FAM53A: variants seen among roughly 807,000 people sequenced by gnomAD.
The protein encoded by FAM53A is protein FAM53A.
Under a neutral mutation model 26.6 loss-of-function variants are expected in FAM53A, and 28 were observed. That is an observed-to-expected ratio of 1.05 (90% CI 0.78 to 1.45). The LOEUF is 1.45. Among genes scored for constraint, FAM53A ranks in the 40% most tolerant of loss-of-function variants. The pLI is 0.00. For synonymous variants in FAM53A, 290 were observed against 253.1 expected (o/e 1.15, Z -1.38); for missense variants, 650 against 575.8 (o/e 1.13, Z -1.32).
In FAM53A at chr4:1,625,400, C is replaced by G. The variant is rs112996711; in HGVS notation, c.432-7289G>C. Among the ~76,000 whole-genome samples the G allele has an allele frequency of 9.9e-4, 49 of 49,432 alleles. 8 individuals are homozygous for G. Among genetic ancestry groups the G allele is most frequent in the African/African-American group, 1.1e-3 (7 of 6,584 alleles). The allele number at this position is 49,432 out of a possible 152,430, so 32.4% of individuals were successfully genotyped here. A position where few individuals can be genotyped will look rare whatever the true frequency, so the allele number is the denominator to read the frequency against. ...CAGGGTCACGCCAGGTGATCAGAAG[C>G]CCCCACGTCCCGACCCACGTGGTCA... On this transcript the variant is annotated intron_variant, in intron 1 of 1. Transcript: ENST00000489029.
At chr4:1,618,759 T>C (rs1190821417) in intron 1 of FAM53A, among the ~76,000 whole-genome samples, 1 of 152,104 alleles carries the variant, frequency 6.6e-6, no homozygotes. Flanking sequence ...GAACCAGCCA[T>C]GCGGGCCTGT....
chr4:1,603,853 C>T, the FAM53A span, among the ~76,000 whole-genome samples: 240 of 152,326 alleles, frequency 1.6e-3, no homozygotes, highest in Middle Eastern at 0.014. Context: ...GCGTCCTGGG[C>T]AGTGCCCTAC....
the FAM53A span, among the ~76,000 whole-genome samples, chr4:1,592,667 G>T: frequency 6.6e-6 from 1 of 152,130 alleles, no homozygotes; most frequent in Non-Finnish European, 1.5e-5. Flanking sequence ...GAAGCCTGGG[G>T]ATGGGAGGGC....
chr4:1,650,236 C>T (rs1446389045), intron 4 of FAM53A, among the ~76,000 whole-genome samples: 10 of 131,324 alleles, frequency 7.6e-5, no homozygotes, highest in East Asian at 4.7e-4. Flanking sequence ...GTGGCACAGG[C>T]GTGGCGTTTG....
chr4:1,657,597 A>T (rs1441022989), intron 2 of FAM53A, 129 bp from the exon 3 acceptor site: 2 of 795,284 alleles, frequency 2.5e-6, no homozygotes, highest in South Asian at 1.6e-5. Context: ...TAAAATAAGC[A>T]CAGTTTTATT....
intron 1 of FAM53A, among the ~76,000 whole-genome samples, chr4:1,672,107 CACAG>C (rs1258126421): frequency 1.3e-5 from 2 of 149,692 alleles, no homozygotes; most frequent in African/African-American, 2.4e-5. Context: ...CCCAGGAACC[CACAG>C]ATCCAGGAAC....
At chr4:1,623,628 G>A (rs1313279603) in intron 1 of FAM53A, among the ~76,000 whole-genome samples, 5 of 152,228 alleles carry the variant, frequency 3.3e-5, no homozygotes, top group East Asian at 3.9e-4. Context: ...GTCAGCAGAC[G>A]GCCGCCCGCT....
intron 1 of FAM53A, among the ~76,000 whole-genome samples, chr4:1,680,711 G>A (rs549729756): frequency 1.2e-4 from 18 of 152,200 alleles, no homozygotes; most frequent in African/African-American, 3.9e-4. Context: ...TGAAAGAAAC[G>A]GGTCTGAAAC....
the FAM53A span, among the ~76,000 whole-genome samples, chr4:1,580,656 CCGCCCAGGCCA>C: frequency 6.7e-6 from 1 of 149,990 alleles, no homozygotes. Flanking sequence ...GCCCCGCCTC[CCGCCCAGGCCA>C]CGCCTCCCAC....
At chr4:1,662,479 C>CAAAAAAA (rs59768929) in intron 2 of FAM53A, among the ~76,000 whole-genome samples, 1 of 68,304 alleles carries the variant, frequency 1.5e-5, no homozygotes, top group Non-Finnish European at 2.9e-5. Flanking sequence ...GATTCCATCA[C>CAAAAAAA]AAAAAAAAAA....
At chr4:1,619,269 G>A (rs1236950892) in intron 1 of FAM53A, among the ~76,000 whole-genome samples, 2 of 152,218 alleles carry the variant, frequency 1.3e-5, no homozygotes, top group Non-Finnish European at 2.9e-5. Flanking sequence ...CCTTACCACT[G>A]CCCGGGGCTG....
chr4:1,579,224 C>A, the FAM53A span, among the ~76,000 whole-genome samples: 6 of 150,256 alleles, frequency 4.0e-5, 1 homozygote, highest in Admixed American at 3.3e-4. Flanking sequence ...AGCCGCCATC[C>A]CCGCCCGAGG....
intron 1 of FAM53A, among the ~76,000 whole-genome samples, chr4:1,620,278 A>G (rs1039346541): frequency 7.2e-5 from 11 of 152,210 alleles, no homozygotes; most frequent in Middle Eastern, 3.4e-3. Flanking sequence ...TTCCCATAAC[A>G]GACCTTTCTC....
chr4:1,605,390 G>A, the FAM53A span, among the ~76,000 whole-genome samples: 6 of 152,120 alleles, frequency 3.9e-5, no homozygotes, highest in Admixed American at 2.0e-4. The surrounding 1 kb of genome is among the most constrained non-coding windows in gnomAD (Gnocchi z 5.7). Flanking sequence ...CAGCCGTGCC[G>A]GTGACCCAGC....
chr4:1,663,979 G>C (rs1156356411), intron 2 of FAM53A, among the ~76,000 whole-genome samples: 1 of 152,354 alleles, frequency 6.6e-6, no homozygotes, highest in East Asian at 1.9e-4. Flanking sequence ...GAGCGCACGA[G>C]GCGGCAGCCG....
chr4:1,637,718 C>T (rs752667588), downstream of FAM53A, among the ~76,000 whole-genome samples: 2 of 152,088 alleles, frequency 1.3e-5, no homozygotes, highest in Non-Finnish European at 2.9e-5. Context: ...TGAAGGATCC[C>T]AGCCTTGGGA....
intron 1 of FAM53A, among the ~76,000 whole-genome samples, chr4:1,625,730 C>T (rs1715268328): frequency 7.2e-6 from 1 of 138,468 alleles, no homozygotes; most frequent in Non-Finnish European, 1.6e-5. Context: ...AGGGTCACGC[C>T]AGGTGATCAG....
chr4:1,608,905 C>T, the FAM53A span, among the ~76,000 whole-genome samples: 2 of 152,042 alleles, frequency 1.3e-5, no homozygotes, highest in African/African-American at 2.4e-5. Flanking sequence ...GGACGGAGGG[C>T]GCCAGGGACA....
the FAM53A span, among the ~76,000 whole-genome samples, chr4:1,587,335 T>C: frequency 2.6e-5 from 4 of 152,170 alleles, no homozygotes; most frequent in African/African-American, 9.7e-5. Context: ...CATGAAGCTT[T>C]TCCCAAACCT....
Sources: allele counts gnomAD v4.1 joint callset (sites outside exome capture counted in the v4.1 genomes callset), GRCh38; gene constraint gnomAD v4.1.1; non-coding constraint Gnocchi (gnomAD v3.1); transcripts MANE v1.5; gene names NCBI Gene and HGNC (gene_info 2026-07-23, HGNC 2026-07-21).